TSHR: variants seen among roughly 807,000 people sequenced by gnomAD.
The protein encoded by TSHR is thyrotropin receptor.
A neutral mutation model predicts 64.1 loss-of-function variants in TSHR; 51 were observed. That is an observed-to-expected ratio of 0.80 (90% confidence interval 0.64 to 1.01). The LOEUF is 1.01. TSHR is among the 50% of genes least tolerant of loss of function. The probability of loss-of-function intolerance (pLI) is 0.00; values close to 1 mark genes in which losing one functional copy is unlikely to be tolerated. For missense variants in TSHR, 877 were observed against 942.8 expected (o/e 0.93, Z 0.91); for synonymous variants, 361 against 361.9 (o/e 1.00, Z 0.03).
intron 9 of TSHR, among the ~76,000 whole-genome samples, chr14:81,141,300 G>A (rs1227623643): frequency 6.6e-6 from 1 of 152,202 alleles, no homozygotes; most frequent in Non-Finnish European, 1.5e-5. Flanking sequence ...TGGACCTCAG[G>A]GGCAGGGTCT....
intron 1 of TSHR, among the ~76,000 whole-genome samples, chr14:80,971,353 T>G (rs1323501824): frequency 6.6e-6 from 1 of 152,186 alleles, no homozygotes; most frequent in African/African-American, 2.4e-5. Context: ...TCTTATGAAA[T>G]GGAACCCCTT....
At chr14:80,975,169 G>T (rs567699130) in intron 1 of TSHR, among the ~76,000 whole-genome samples, 2 of 152,212 alleles carry the variant, frequency 1.3e-5, no homozygotes, top group Non-Finnish European at 2.9e-5. Context: ...CCATTCAGCA[G>T]AGTAAGACTA....
rs1198068309 is a variant in TSHR, at chr14:80,955,770, G to A, written c.90G>A (p.Glu30=). The A allele has an allele frequency of 2.8e-5, 45 of 1,614,228 alleles. No homozygotes were observed. Among genetic ancestry groups the A allele is most frequent in the Non-Finnish European group, 3.6e-5 (42 of 1,180,050 alleles). Residue 30 remains glutamate (E), a synonymous_variant, in exon 1 of 10, where the codon GAG becomes GAA. Coordinates refer to ENST00000298171, the MANE Select transcript of TSHR (RefSeq NM_000369.5). ...GGMGCSSPPC[E]CHQEEDFRVT... ...TGGGGTGTTCGTCTCCACCCTGCGA[G>A]TGCCATCAGGAGGAGGACTTCAGAG...
intron 1 of TSHR, chr14:81,052,426 C>T (rs1885488144): frequency 6.6e-6 from 1 of 152,120 alleles, no homozygotes; most frequent in Non-Finnish European, 1.5e-5. Context: ...TATGGCAGTA[C>T]CCTGCAGTTT....
rs1330862330 is a variant in TSHR at position 81,081,831 on chromosome 14, TG to T, written c.318-6122del. Among the ~76,000 whole-genome samples, 9 of 152,172 alleles carry T rather than the reference TG, an allele frequency of 5.9e-5. No individual in the cohort carries two copies. The East Asian group carries it at 1.5e-3, about 26-fold the overall frequency. On this transcript the variant is annotated intron_variant, in intron 3 of 9. Transcript: ENST00000298171. ...ATACCACCCAGAGTATGCAGCAAAG[TG>T]CACCTAATAGATGTCCAGTAATTAT...
chr14:81,076,852 C>A (rs377253492), intron 3 of TSHR, among the ~76,000 whole-genome samples: 1 of 152,118 alleles, frequency 6.6e-6, no homozygotes, highest in African/African-American at 2.4e-5. Flanking sequence ...TGAATAAAAT[C>A]CAAGTATCTT....
rs150103785 is a variant in TSHR, at chr14:80,968,963, C to T, written c.170+13113C>T. Among the ~76,000 whole-genome samples, 44 of 152,222 alleles carry T rather than the reference C, an allele frequency of 2.9e-4. 1 individual carries two copies. Among genetic ancestry groups the T allele is most frequent in the Non-Finnish European group, 4.3e-4 (29 of 68,008 alleles). ...AATCTTTCTCCTCAGGAACTAGTAC[C>T]ATTAATTGGGCAGGAATACAGACAG... On this transcript the variant is annotated intron_variant, in intron 1 of 9. Coordinates refer to ENST00000298171, the MANE Select transcript of TSHR (RefSeq NM_000369.5).
chr14:81,095,787 C>G (rs766057613), intron 6 of TSHR, among the ~76,000 whole-genome samples: 21 of 152,072 alleles, frequency 1.4e-4, no homozygotes, highest in Non-Finnish European at 2.6e-4. Flanking sequence ...GTGGTTCACA[C>G]CTGTAATCCC....
At chr14:81,111,306 G>T (rs748308393) in intron 8 of TSHR, among the ~76,000 whole-genome samples, 11 of 152,162 alleles carry the variant, frequency 7.2e-5, no homozygotes, top group Non-Finnish European at 1.6e-4. Flanking sequence ...TCCAGCATAC[G>T]CTTCTTATCC....
At chr14:81,114,908 C>G (rs991696379) in intron 8 of TSHR, among the ~76,000 whole-genome samples, 1 of 152,194 alleles carries the variant, frequency 6.6e-6, no homozygotes, top group Admixed American at 6.5e-5. Context: ...AGGCACCCCC[C>G]AGCAGGGGCA....
At chr14:81,108,746 G>A (rs1890083012) in intron 8 of TSHR, 1 of 1,610,236 alleles carries the variant, frequency 6.2e-7, no homozygotes, top group African/African-American at 1.3e-5. Context: ...AGCAGCTGCT[G>A]TTTGAAAAAT....
chr14:80,967,135 T>A (rs931545605), intron 1 of TSHR, among the ~76,000 whole-genome samples: 2 of 150,370 alleles, frequency 1.3e-5, no homozygotes, highest in African/African-American at 2.5e-5. Context: ...AAAAAAGGAA[T>A]CCAGGCTAAT....
chr14:81,096,789 A>G, intron 7 of TSHR, 82 bp downstream of exon 7: 2 of 1,436,676 alleles, frequency 1.4e-6, no homozygotes, highest in South Asian at 2.3e-5. Flanking sequence ...GTTGAGAGAT[A>G]GGTTCTACCA....
rs1330957029 is a variant in TSHR at position 81,115,482 on chromosome 14, A to G, written c.692+7030A>G. 1.4e-5 allele frequency among the ~76,000 whole-genome samples: 2 copies of G among 145,026 alleles called. 1 individual carries two copies. The highest frequency in any genetic ancestry group is 4.6e-4 in the East Asian group (2 of 4,386). On this transcript the variant is annotated intron_variant, in intron 8 of 9. Coordinates refer to ENST00000298171, the MANE Select transcript of TSHR (RefSeq NM_000369.5). ...AAGCGAGAAGGGAAGTTTAGAGAAA[A>G]AAGAATGAAAAGAAATGAGCAAAGC...
intron 1 of TSHR, among the ~76,000 whole-genome samples, chr14:80,979,078 A>G (rs1057005819): frequency 2.0e-5 from 3 of 152,214 alleles, no homozygotes; most frequent in Non-Finnish European, 4.4e-5. Context: ...GGCCAAAACT[A>G]TCTGTATACC....
At chr14:81,113,878 T>C (rs1187119154) in intron 8 of TSHR, among the ~76,000 whole-genome samples, 2 of 152,140 alleles carry the variant, frequency 1.3e-5, no homozygotes, top group African/African-American at 2.4e-5. Flanking sequence ...GCACTACTTC[T>C]TACTCATCCC....
intron 8 of TSHR, among the ~76,000 whole-genome samples, chr14:81,110,112 C>T (rs1172362358): frequency 1.3e-5 from 2 of 152,150 alleles, no homozygotes; most frequent in Non-Finnish European, 2.9e-5. Context: ...TTGTCAATGC[C>T]ATAAAAATTC....
intron 8 of TSHR, among the ~76,000 whole-genome samples, chr14:81,113,264 G>A (rs1890309026): frequency 6.6e-6 from 1 of 152,222 alleles, no homozygotes; most frequent in Admixed American, 6.5e-5. Flanking sequence ...ACATGCTGAT[G>A]GATCGGATAT....
intron 9 of TSHR, 88 bp from the exon 10 acceptor site, chr14:81,142,852 C>A: frequency 1.7e-6 from 2 of 1,166,446 alleles, no homozygotes; most frequent in African/African-American, 1.5e-5. Flanking sequence ...TCAAGCAATC[C>A]ACCTGCCTTG....
Sources: gnomAD v4.1 joint callset for allele counts (sites outside exome capture counted in the v4.1 genomes callset) on GRCh38, gnomAD v4.1.1 for gene constraint, MANE v1.5 for transcripts, NCBI Gene and HGNC (gene_info 2026-07-23, HGNC 2026-07-21) for gene names.